Variants in ITCH observed in about 807,000 individuals in gnomAD.
The protein encoded by ITCH is E3 ubiquitin-protein ligase Itchy homolog.
A neutral mutation model predicts 126.8 loss-of-function variants in ITCH; 28 were observed. The ratio of observed to expected loss-of-function variants is 0.22; its 90% CI spans 0.16 to 0.30. The LOEUF is 0.30. ITCH is among the 10% of genes least tolerant of loss of function. The pLI, the probability that ITCH is intolerant of heterozygous loss-of-function variation, is 1.00. For missense variants in ITCH, 631 were observed against 1,032.4 expected (o/e 0.61, Z 5.33); for synonymous variants, 342 against 340.0 (o/e 1.01, Z -0.06).
At chr20:34,470,165 G>T (rs760943956) in intron 15 of ITCH, 45 bp downstream of exon 15, 15 of 1,392,332 alleles carry the variant, frequency 1.1e-5, no homozygotes, top group Middle Eastern at 1.8e-4. Context: ...ACTTTGTTGT[G>T]TTGCTTTATA....
intron 4 of ITCH, among the ~76,000 whole-genome samples, chr20:34,409,396 A>G (rs527437396): frequency 1.3e-5 from 2 of 152,046 alleles, no homozygotes; most frequent in African/African-American, 4.8e-5. Flanking sequence ...CAGTTATACT[A>G]TAGTTATTTA....
chr20:34,417,489 T>C (rs1243887217), intron 6 of ITCH, among the ~76,000 whole-genome samples: 2 of 148,622 alleles, frequency 1.3e-5, no homozygotes, highest in Non-Finnish European at 3.0e-5. Flanking sequence ...AACCTCTGCC[T>C]CCCGGGTTCA....
At position 34,489,181 on chromosome 20, in the gene ITCH, T is replaced by C. The variant is rs375507837; in HGVS notation, c.2094-85T>C. The C allele has an allele frequency of 6.1e-5, 73 of 1,205,734 alleles. No homozygotes were observed. The South Asian group carries it at 1.0e-3, about 16-fold the overall frequency. 74.7% of individuals were successfully genotyped at this position (1,205,734 alleles called of 1,614,324 possible). On this transcript the variant is annotated intron_variant, in intron 20 of 24. Transcript: ENST00000374864. ...TTTTGAATATATTTTAAGTTTTTTA[T>C]AATTTTTTAAAATTTATTTTTATAC...
At chr20:34,445,502 G>T (rs747647454) in intron 11 of ITCH, 41 bp downstream of exon 11, 2 of 1,589,492 alleles carry the variant, frequency 1.3e-6, no homozygotes, top group South Asian at 2.2e-5. Flanking sequence ...AGAGTATTTT[G>T]TTTCTAGCCC....
rs932668652 is a variant in ITCH at position 34,510,313 on chromosome 20, G to A, written c.*2519G>A. On this transcript the variant is annotated 3_prime_UTR_variant, in exon 25 of 25. Transcript: ENST00000374864. Reference sequence around the variant, plus strand: ...TCTACCAAATGCTATCTTAAATTTTGGTCCAAACTGAACATATGGAAATAG... The same window carrying A: ...TCTACCAAATGCTATCTTAAATTTTAGTCCAAACTGAACATATGGAAATAG... 6.6e-6 allele frequency: 1 copy of A among 152,308 alleles called. No individual in the cohort carries two copies. The highest frequency in any genetic ancestry group is 2.4e-5 in the African/African-American group (1 of 41,334). The allele number at this position is 152,308 out of a possible 1,614,324, so 9.4% of individuals were successfully genotyped here.
chr20:34,424,420 G>GA (rs894809359), intron 6 of ITCH, 60 bp from the exon 7 acceptor site: 10 of 1,341,656 alleles, frequency 7.5e-6, no homozygotes, highest in South Asian at 1.2e-5. Flanking sequence ...GTTTAGAAAA[G>GA]AAAAAACATG....
At chr20:34,464,572 C>A (rs1986870195) in intron 14 of ITCH, among the ~76,000 whole-genome samples, 1 of 152,060 alleles carries the variant, frequency 6.6e-6, no homozygotes, top group Non-Finnish European at 1.5e-5. Context: ...GGTGATCCGC[C>A]CGCCTCAGCC....
rs1403275854 is a variant in ITCH at position 34,499,916 on chromosome 20, AATTTCCTTTTAC to A, written c.2417-4408_2417-4397del. On this transcript the variant is annotated intron_variant, in intron 23 of 24. Transcript: ENST00000374864. ...TTGCATTTGTTTCATGGAATTTTTA[AATTTCCTTTTAC>A]ATTTCCCCATTGGTCATTCTGGAGC... 2.0e-5 allele frequency among the ~76,000 whole-genome samples: 3 copies of A among 152,096 alleles called. No homozygotes were observed. The East Asian group carries it at 5.8e-4, about 29-fold the overall frequency.
chr20:34,476,131 C>T (rs1676844493), intron 16 of ITCH: 1 of 852,804 alleles, frequency 1.2e-6, no homozygotes, highest in African/African-American at 1.6e-5. Context: ...GATGAGATGA[C>T]AGGTTAAACA....
chr20:34,382,838 G>GCTTCAAGCAATTCTCCTGC (rs1288782198), intron 2 of ITCH, among the ~76,000 whole-genome samples: 1 of 151,504 alleles, frequency 6.6e-6, no homozygotes, highest in Non-Finnish European at 1.5e-5. Flanking sequence ...CTGCCTCCTG[G>GCTTCAAGCAATTCTCCTGC]CTTCAAGCAA....
At chr20:34,415,950 C>T (rs1331869940) in intron 6 of ITCH, among the ~76,000 whole-genome samples, 7 of 151,516 alleles carry the variant, frequency 4.6e-5, no homozygotes, top group African/African-American at 1.5e-4. Context: ...GGTGAAACCC[C>T]GTCTCTACTA....
At chr20:34,391,248 C>T (rs2038481242) in intron 2 of ITCH, among the ~76,000 whole-genome samples, 1 of 152,164 alleles carries the variant, frequency 6.6e-6, no homozygotes. Context: ...TACAAAACTA[C>T]AGTTCCCTAT....
chr20:34,484,237 C>T (rs931955182), intron 20 of ITCH, among the ~76,000 whole-genome samples: 2 of 152,162 alleles, frequency 1.3e-5, no homozygotes, highest in Admixed American at 6.5e-5. Context: ...TGCTACTAGT[C>T]TCAAGAGCTA....
chr20:34,436,618 C>A (rs1277814201), intron 7 of ITCH, among the ~76,000 whole-genome samples: 1 of 152,144 alleles, frequency 6.6e-6, no homozygotes, highest in Non-Finnish European at 1.5e-5. Context: ...TTTGGGGAAC[C>A]CCCAAAGTAG....
At chr20:34,367,890 G>C (rs187742696) in intron 1 of ITCH, among the ~76,000 whole-genome samples, 2 of 152,266 alleles carry the variant, frequency 1.3e-5, no homozygotes, top group Admixed American at 1.3e-4. Context: ...GAGATTTTTA[G>C]CCTATGCGTC....
At chr20:34,474,603 T>C (rs1018101136) in intron 16 of ITCH, among the ~76,000 whole-genome samples, 2 of 152,246 alleles carry the variant, frequency 1.3e-5, no homozygotes, top group African/African-American at 4.8e-5. Flanking sequence ...TTCTCAATCC[T>C]TTACCCACCC....
Position 34,473,380 on chromosome 20 carries a change from A to G in ITCH, c.1569+1865A>G, listed in dbSNP as rs546636625. ...AAATGTCTTCCACACATATGTGGTAATCTGTGGTGCTCGCCACTCCCTCCC... is the reference window on the plus strand; with the variant it reads ...AAATGTCTTCCACACATATGTGGTAGTCTGTGGTGCTCGCCACTCCCTCCC... On this transcript the variant is annotated intron_variant, in intron 16 of 24. Coordinates refer to ENST00000374864, the MANE Select transcript of ITCH (RefSeq NM_031483.7). Among the ~76,000 whole-genome samples, 3 of 152,268 alleles carry G rather than the reference A, an allele frequency of 2.0e-5. No homozygotes were observed. In the East Asian group the frequency reaches 5.8e-4, roughly 29 times the overall value.
At position 34,432,603 on chromosome 20, in the gene ITCH, G is replaced by A. The variant is rs550249208; in HGVS notation, c.522-5871G>A. Among the ~76,000 whole-genome samples, 98 of 152,100 alleles carry A rather than the reference G, an allele frequency of 6.4e-4. 1 individual carries two copies. The highest frequency in any genetic ancestry group is 2.2e-3 in the African/African-American group (93 of 41,486). On this transcript the variant is annotated intron_variant, in intron 7 of 24. Coordinates refer to ENST00000374864, the MANE Select transcript of ITCH (RefSeq NM_031483.7). ...GGTGAAATGGGTGTTTTTATTTTGC[G>A]GTACATAATTTGAAAATGTCCAGCA...
chr20:34,484,971 C>A (rs1345587633), intron 20 of ITCH, among the ~76,000 whole-genome samples: 1 of 152,164 alleles, frequency 6.6e-6, no homozygotes, highest in African/African-American at 2.4e-5. Context: ...GGTAGGTAAC[C>A]ATTTCTGTTT....
Sources: allele counts gnomAD v4.1 joint callset (sites outside exome capture counted in the v4.1 genomes callset), GRCh38; gene constraint gnomAD v4.1.1; transcripts MANE v1.5; gene names NCBI Gene and HGNC (gene_info 2026-07-23, HGNC 2026-07-21).